Variants in LRBA observed in about 807,000 individuals in gnomAD.
LRBA encodes the protein lipopolysaccharide-responsive and beige-like anchor protein.
In LRBA, 176 loss-of-function variants were observed where a neutral mutation model predicts 330.0. The observed-to-expected ratio is 0.53, with a 90% confidence interval of 0.47 to 0.60. The LOEUF is 0.60. Ranked by LOEUF, LRBA falls within the 20% of genes least tolerant of loss-of-function variation. The pLI, the probability that LRBA is intolerant of heterozygous loss-of-function variation, is 0.00. For missense variants in LRBA, 3,259 were observed against 3,444.8 expected (o/e 0.95, Z 1.35); for synonymous variants, 1,230 against 1,193.0 (o/e 1.03, Z -0.64).
At chr4:150,553,256 G>C (rs913029852) in intron 40 of LRBA, among the ~76,000 whole-genome samples, 1 of 151,864 alleles carries the variant, frequency 6.6e-6, no homozygotes, top group African/African-American at 2.4e-5. Flanking sequence ...TCATAGGTGG[G>C]AATTGAACAA....
intron 38 of LRBA, among the ~76,000 whole-genome samples, chr4:150,594,000 T>A (rs1773196623): frequency 6.6e-6 from 1 of 152,140 alleles, no homozygotes; most frequent in African/African-American, 2.4e-5. Context: ...CACAGTAAGG[T>A]AACTTCTGAA....
At chr4:150,401,355 A>T (rs1243008664) in intron 47 of LRBA, among the ~76,000 whole-genome samples, 1 of 152,238 alleles carries the variant, frequency 6.6e-6, no homozygotes, top group Non-Finnish European at 1.5e-5. Flanking sequence ...CTGTGACTTT[A>T]AGTAAAATGA....
intron 28 of LRBA, among the ~76,000 whole-genome samples, chr4:150,841,535 CA>C (rs1186895256): frequency 4.6e-5 from 7 of 152,170 alleles, no homozygotes; most frequent in African/African-American, 1.7e-4. Context: ...TGTAAAAAAG[CA>C]AATCTGAACT....
chr4:150,264,894 G>A lies in LRBA; in HGVS notation c.*828C>T, dbSNP rs1271359908. 2.5e-5 allele frequency: 2 copies of A among 81,324 alleles called. No homozygotes were observed. Among genetic ancestry groups the A allele is most frequent in the African/African-American group, 7.8e-5 (2 of 25,578 alleles). The allele number at this position is 81,324 out of a possible 1,614,324, so 5.0% of individuals were successfully genotyped here. On this transcript the variant is annotated 3_prime_UTR_variant, in exon 57 of 57. Transcript: ENST00000651943. ...CGGTAGCCTCTATTTGCAAACCCGG[G>A]GAGGGAAGGGGGTGCCCCAACAAAA...
At chr4:150,302,429 A>T (rs1303395321) in intron 53 of LRBA, among the ~76,000 whole-genome samples, 196 bp downstream of exon 53, 1 of 152,168 alleles carries the variant, frequency 6.6e-6, no homozygotes, top group Non-Finnish European at 1.5e-5. Flanking sequence ...GAAACATAAG[A>T]TTTCATGCTT....
intron 2 of LRBA, among the ~76,000 whole-genome samples, chr4:150,967,875 G>A (rs1453914270): frequency 6.6e-6 from 1 of 152,056 alleles, no homozygotes; most frequent in Non-Finnish European, 1.5e-5. Flanking sequence ...TCTACCAAGA[G>A]ACTATTCCCC....
intron 43 of LRBA, 33 bp downstream of exon 43, chr4:150,471,591 T>C (rs1418454770): frequency 1.7e-6 from 2 of 1,189,496 alleles, no homozygotes; most frequent in African/African-American, 1.5e-5. Flanking sequence ...TAATTTATTG[T>C]CTAAAATAAA....
intron 2 of LRBA, among the ~76,000 whole-genome samples, chr4:150,947,657 A>C (rs1736387042): frequency 6.6e-6 from 1 of 152,102 alleles, no homozygotes; most frequent in Non-Finnish European, 1.5e-5. Context: ...ACTTTTATTC[A>C]AATTAGTGCT....
chr4:150,393,113 A>G (rs1744233746), intron 47 of LRBA, among the ~76,000 whole-genome samples: 1 of 152,134 alleles, frequency 6.6e-6, no homozygotes, highest in Admixed American at 6.6e-5. Flanking sequence ...CATTCTCTGA[A>G]TGAAATTTAG....
intron 34 of LRBA, among the ~76,000 whole-genome samples, chr4:150,774,672 C>T (rs1055531125): frequency 1.3e-5 from 2 of 152,112 alleles, no homozygotes; most frequent in African/African-American, 4.8e-5. Context: ...AAAAGCCTGA[C>T]ATTGTGAAAA....
intron 47 of LRBA, among the ~76,000 whole-genome samples, chr4:150,374,145 C>G (rs895293054): frequency 1.3e-5 from 2 of 152,184 alleles, no homozygotes; most frequent in African/African-American, 4.8e-5. Context: ...TTCCAATACT[C>G]TCCCTTTTAT....
At chr4:150,934,805 T>C (rs1000241748) in intron 2 of LRBA, among the ~76,000 whole-genome samples, 1 of 152,040 alleles carries the variant, frequency 6.6e-6, no homozygotes, top group African/African-American at 2.4e-5. Flanking sequence ...GGTCAGGAGT[T>C]TGAGATCAGC....
At position 150,636,158 on chromosome 4, in the gene LRBA, C is replaced by CT. The variant is rs70941419; in HGVS notation, c.5922-37028dup. On this transcript the variant is annotated intron_variant, in intron 37 of 56. Transcript: ENST00000651943. ...ACTTGATGACATGGTACCTACCAAG[C>CT]TTTTTTTTTTTTTTTTTTTTACGTG... Among the ~76,000 whole-genome samples the CT allele has an allele frequency of 4.2e-3, 470 of 112,978 alleles. 4 individuals are homozygous for CT. The highest frequency in any genetic ancestry group is 0.014 in the African/African-American group (428 of 30,662). The allele number at this position is 112,978 out of a possible 152,430, so 74.1% of individuals were successfully genotyped here.
At chr4:150,798,462 A>C (rs983549331) in intron 33 of LRBA, among the ~76,000 whole-genome samples, 7 of 152,168 alleles carry the variant, frequency 4.6e-5, no homozygotes, top group African/African-American at 1.7e-4. Context: ...TTTGTTTTGG[A>C]GAGAGTTGAT....
intron 2 of LRBA, among the ~76,000 whole-genome samples, chr4:150,966,452 G>A (rs1482140052): frequency 2.0e-5 from 3 of 150,284 alleles, no homozygotes; most frequent in Non-Finnish European, 4.4e-5. Context: ...GGGACTACAG[G>A]TGCCCGCCAC....
chr4:150,556,979 T>C (rs1767403972), intron 40 of LRBA, among the ~76,000 whole-genome samples: 2 of 152,220 alleles, frequency 1.3e-5, no homozygotes, highest in African/African-American at 2.4e-5. Flanking sequence ...GGACGTTTGT[T>C]ATGTGCTGTG....
rs1399241067 is a variant in LRBA, at chr4:150,867,760, T to C, written c.2677A>G (p.Ile893Val). 38 of 1,613,722 alleles carry C rather than the reference T, an allele frequency of 2.4e-5. No homozygotes were observed. The highest frequency in any genetic ancestry group is 9.3e-5 in the African/African-American group (7 of 74,922). Residue 893 changes from isoleucine to valine, a missense_variant, in exon 22 of 57, where the codon ATA becomes GTA. Transcript: ENST00000651943. Reference sequence around the variant, plus strand: ...GCATGGTAAAGCAGGATTCTGAATATGGCGTATACCATTTCTGTTATCTTT... The same window carrying C: ...GCATGGTAAAGCAGGATTCTGAATACGGCGTATACCATTTCTGTTATCTTT... ...EQKITEMVYA[I>V]FRILLYHAVK...
intron 36 of LRBA, among the ~76,000 whole-genome samples, chr4:150,686,920 G>C (rs145454784): frequency 6.6e-6 from 1 of 152,000 alleles, no homozygotes; most frequent in Admixed American, 6.5e-5. Flanking sequence ...AAGGGCTCAA[G>C]GTAAGCTAAA....
chr4:151,005,384 G>A (rs1186078614), intron 2 of LRBA, among the ~76,000 whole-genome samples: 1 of 121,402 alleles, frequency 8.2e-6, no homozygotes, highest in Non-Finnish European at 1.6e-5. Context: ...GTTGCAGTGA[G>A]CCAAGATCGC....
Sources: gnomAD v4.1 joint callset for allele counts (sites outside exome capture counted in the v4.1 genomes callset) on GRCh38, gnomAD v4.1.1 for gene constraint, MANE v1.5 for transcripts, NCBI Gene and HGNC (gene_info 2026-07-23, HGNC 2026-07-21) for gene names.